The following GPC5 variants were observed in gnomAD, a reference collection of about 807,000 sequenced individuals.
The protein encoded by GPC5 is glypican-5.
Under a neutral mutation model 53.9 loss-of-function variants are expected in GPC5, and 47 were observed. That is an observed-to-expected ratio of 0.87 (90% CI 0.69 to 1.11). The LOEUF is 1.11. Among genes scored for constraint, GPC5 ranks in the 50% most tolerant of loss-of-function variants. GPC5 has a pLI of 0.00. For missense variants in GPC5, 748 were observed against 713.1 expected (o/e 1.05, Z -0.56); for synonymous variants, 286 against 263.3 (o/e 1.09, Z -0.84).
intron 2 of GPC5, among the ~76,000 whole-genome samples, chr13:91,579,633 T>C (rs4997768): frequency 0.13 from 17,806 of 142,386 alleles, 1,334 homozygotes; most frequent in African/African-American, 0.21. Context: ...TCTTTTTTTT[T>C]TTTTTTTTTT....
chr13:92,114,453 A>G (rs2041584268), intron 6 of GPC5, among the ~76,000 whole-genome samples: 1 of 152,290 alleles, frequency 6.6e-6, no homozygotes, highest in South Asian at 2.1e-4. Flanking sequence ...TCTGCCTGAC[A>G]GTGTTTTCCC....
chr13:92,511,647 C>G (rs555414519), intron 7 of GPC5, among the ~76,000 whole-genome samples: 28 of 152,304 alleles, frequency 1.8e-4, no homozygotes, highest in African/African-American at 6.7e-4. Flanking sequence ...CCCACAAACC[C>G]CATGGTTCTT....
At chr13:92,749,076 C>T (rs1396555919) in intron 7 of GPC5, among the ~76,000 whole-genome samples, 1 of 152,046 alleles carries the variant, frequency 6.6e-6, no homozygotes, top group East Asian at 1.9e-4. Context: ...GAGTTCTTGG[C>T]CAGACAAGAA....
intron 6 of GPC5, among the ~76,000 whole-genome samples, chr13:92,143,541 C>A (rs1208674259): frequency 1.3e-5 from 2 of 152,094 alleles, no homozygotes; most frequent in Non-Finnish European, 2.9e-5. Context: ...AAGAAGACTT[C>A]TTTTTAATTT....
chr13:91,680,087 T>C (rs2035472352), intron 2 of GPC5, among the ~76,000 whole-genome samples: 1 of 152,174 alleles, frequency 6.6e-6, no homozygotes, highest in Non-Finnish European at 1.5e-5. Context: ...ATATTTGAGC[T>C]TTTAAAAGAA....
At chr13:92,455,848 C>T (rs888028851) in intron 7 of GPC5, among the ~76,000 whole-genome samples, 9 of 152,206 alleles carry the variant, frequency 5.9e-5, no homozygotes, top group South Asian at 4.1e-4. Context: ...ACTATTTCAG[C>T]GAAATGTTCA....
intron 5 of GPC5, among the ~76,000 whole-genome samples, chr13:91,774,104 T>A (rs569841326): frequency 6.6e-6 from 1 of 152,268 alleles, no homozygotes; most frequent in South Asian, 2.1e-4. Flanking sequence ...TTTCACCAAG[T>A]AAACAAATGT....
chr13:91,897,511 T>C (rs9589367), intron 5 of GPC5, among the ~76,000 whole-genome samples: 3,510 of 152,226 alleles, frequency 0.023, 134 homozygotes, highest in African/African-American at 0.079. Flanking sequence ...TAATGAAAGC[T>C]ACAAAAATCA....
chr13:92,427,321 A>G (rs1429084625), intron 7 of GPC5, among the ~76,000 whole-genome samples: 2 of 148,724 alleles, frequency 1.3e-5, no homozygotes, highest in African/African-American at 5.0e-5. Context: ...TGACTGGTAA[A>G]TAACATACGA....
intron 6 of GPC5, among the ~76,000 whole-genome samples, chr13:91,952,952 G>A (rs1197450121): frequency 1.3e-5 from 2 of 152,020 alleles, no homozygotes; most frequent in Non-Finnish European, 2.9e-5. Flanking sequence ...TTGGATCAGT[G>A]GGATTTAAAG....
At chr13:91,653,950 G>GT (rs1309585453) in intron 2 of GPC5, among the ~76,000 whole-genome samples, 1 of 152,026 alleles carries the variant, frequency 6.6e-6, no homozygotes, top group Non-Finnish European at 1.5e-5. Context: ...ATTTTCTCGT[G>GT]TCCCTTTGTC....
chr13:91,684,540 G>T (rs912143666), intron 2 of GPC5, among the ~76,000 whole-genome samples: 4 of 152,040 alleles, frequency 2.6e-5, no homozygotes, highest in African/African-American at 9.7e-5. Flanking sequence ...CAAACCACAA[G>T]TTATTTTGCC....
In GPC5 at chr13:91,844,731, G is replaced by GT. The variant is rs200690488; in HGVS notation, c.1281-63197dup. 4.5e-3 allele frequency among the ~76,000 whole-genome samples: 683 copies of GT among 150,620 alleles called. 9 individuals carry two copies. Among genetic ancestry groups the GT allele is most frequent in the African/African-American group, 0.016 (639 of 41,070 alleles). On this transcript the variant is annotated intron_variant, in intron 5 of 7. Transcript: ENST00000377067. The stretch of plus-strand genomic sequence containing the variant: ...TTTATTTTGTTCTGTTTTTGTTTTT[G>GT]TTTTTTTTTAGACAGAGTCTCACTC...
chr13:92,731,764 T>A (rs1888812313), intron 7 of GPC5, among the ~76,000 whole-genome samples: 2 of 151,452 alleles, frequency 1.3e-5, no homozygotes, highest in South Asian at 4.1e-4. Flanking sequence ...AAATAATAGA[T>A]CTCATCTCAA....
chr13:92,073,676 C>A (rs959688359), intron 6 of GPC5, among the ~76,000 whole-genome samples: 10 of 152,158 alleles, frequency 6.6e-5, no homozygotes, highest in African/African-American at 2.4e-4. Context: ...ACAAATATTT[C>A]TTCACTCTTC....
chr13:91,474,339 A>G (rs1882803470), intron 2 of GPC5, among the ~76,000 whole-genome samples: 1 of 152,138 alleles, frequency 6.6e-6, no homozygotes, highest in Non-Finnish European at 1.5e-5. Flanking sequence ...TCTTTAGAGG[A>G]TATTAGCTAA....
intron 7 of GPC5, among the ~76,000 whole-genome samples, chr13:92,186,641 A>C (rs901877023): frequency 2.6e-5 from 4 of 152,196 alleles, no homozygotes; most frequent in Admixed American, 2.6e-4. Context: ...AAAACTCAAA[A>C]TTTGAATTAG....
At chr13:92,137,985 T>C (rs1471875928) in intron 6 of GPC5, among the ~76,000 whole-genome samples, 1 of 152,172 alleles carries the variant, frequency 6.6e-6, no homozygotes, top group Non-Finnish European at 1.5e-5. Context: ...GTGCAGGATG[T>C]TGACAGTGGG....
At chr13:92,031,196 C>G (rs989706140) in intron 6 of GPC5, among the ~76,000 whole-genome samples, 8 of 152,148 alleles carry the variant, frequency 5.3e-5, no homozygotes, top group Non-Finnish European at 7.4e-5. Context: ...TTTCCTCAGG[C>G]TTACCCTTAA....
Sources: allele counts gnomAD v4.1 joint callset (sites outside exome capture counted in the v4.1 genomes callset), GRCh38; gene constraint gnomAD v4.1.1; transcripts MANE v1.5; gene names NCBI Gene and HGNC (gene_info 2026-07-23, HGNC 2026-07-21).